PCDHGA5: variants seen among roughly 807,000 people sequenced by gnomAD.
PCDHGA5 encodes protocadherin gamma-A5.
In PCDHGA5, 36 loss-of-function variants were observed where a neutral mutation model predicts 56.7. The observed-to-expected ratio is 0.64, with a 90% CI of 0.49 to 0.84. The LOEUF is 0.84. Among genes scored for constraint, PCDHGA5 ranks in the 40% least tolerant of loss-of-function variants. PCDHGA5 has a pLI of 0.00. For missense variants in PCDHGA5, 1,305 were observed against 1,201.5 expected (o/e 1.09, Z -1.27); for synonymous variants, 563 against 520.2 (o/e 1.08, Z -1.12).
rs1404153764 is a variant in PCDHGA5, at chr5:141,364,593, G to T, written c.263G>T (p.Gly88Val). ...CGAAGCGGCAGCTTGGTCACCGCGGGCAGGATAGACCGGGAGGAGCTCTGC... is the reference window on the plus strand; with the variant it reads ...CGAAGCGGCAGCTTGGTCACCGCGGTCAGGATAGACCGGGAGGAGCTCTGC... ...NPRSGSLVTA[G>V]RIDREELCAQ... The change falls in exon 1 of 4, where the codon GGC becomes GTC. Residue 88 changes from glycine to valine, a missense_variant. Physicochemically the swap from Gly to Val is moderately radical, Grantham distance 109 (BLOSUM62 -3). Coordinates refer to ENST00000518069, the MANE Select transcript of PCDHGA5 (RefSeq NM_018918.3). 6.2e-7 allele frequency: 1 copy of T among 1,614,096 alleles called. No individual in the cohort carries two copies. Among genetic ancestry groups the T allele is most frequent in the Non-Finnish European group, 8.5e-7 (1 of 1,180,020 alleles).
intron 1 of PCDHGA5, among the ~76,000 whole-genome samples, chr5:141,451,108 G>A (rs1484218835): frequency 3.3e-5 from 5 of 151,860 alleles, no homozygotes; most frequent in South Asian, 2.1e-4. Flanking sequence ...GATTACAGGC[G>A]TGAGCCACCA....
chr5:141,410,598 C>T, intron 1 of PCDHGA5: 2 of 1,608,528 alleles, frequency 1.2e-6, no homozygotes, highest in Non-Finnish European at 1.7e-6. Context: ...GATTTGACTT[C>T]ACATCCTGAG....
At chr5:141,461,278 C>T (rs2099012353) in intron 1 of PCDHGA5, among the ~76,000 whole-genome samples, 1 of 152,086 alleles carries the variant, frequency 6.6e-6, no homozygotes, top group South Asian at 2.1e-4. Context: ...GTTCTCTTTT[C>T]CCCACATCCA....
intron 1 of PCDHGA5, chr5:141,371,896 T>C (rs760450150): frequency 1.2e-6 from 2 of 1,613,426 alleles, no homozygotes; most frequent in Admixed American, 1.7e-5. Flanking sequence ...CCGCGGGAGC[T>C]GTCGTCCTAC....
At chr5:141,466,684 G>A (rs1337230884) in intron 1 of PCDHGA5, among the ~76,000 whole-genome samples, 1 of 152,034 alleles carries the variant, frequency 6.6e-6, no homozygotes, top group Non-Finnish European at 1.5e-5. Flanking sequence ...TTCCACTCAA[G>A]CTTCATCATA....
intron 1 of PCDHGA5, chr5:141,408,915 A>T (rs2095192273): frequency 1.2e-6 from 2 of 1,613,004 alleles, no homozygotes; most frequent in South Asian, 2.2e-5. Context: ...ACCAATGATA[A>T]CCCCCCGGTT....
In PCDHGA5 at chr5:141,418,134, G is replaced by A. The variant is rs367774534; in HGVS notation, c.2421+51383G>A. ...TTACTTGTGAAGGACCGAATAGACC[G>A]TGAGCAAATATGCAAAGAGAGAAGA... On this transcript the variant is annotated intron_variant, in intron 1 of 3. Transcript: ENST00000518069. The A allele has an allele frequency of 3.1e-6, 5 of 1,613,970 alleles. No individual in the cohort carries two copies. In the African/African-American group the frequency reaches 4.0e-5, roughly 13 times the overall value.
rs901230493 is a variant in PCDHGA5, at chr5:141,487,514, C to T, written c.2422-7293C>T. 7 of 1,614,150 alleles carry T rather than the reference C, an allele frequency of 4.3e-6. No homozygotes were observed. The highest frequency in any genetic ancestry group is 1.1e-5 in the South Asian group (1 of 91,070). On this transcript the variant is annotated intron_variant, in intron 1 of 3. Transcript: ENST00000518069. The surrounding 1 kb of genome is among the most constrained non-coding windows in gnomAD (Gnocchi z 5.0). Reference sequence around the variant, plus strand: ...TACACCCTTGGCTTCTGCACCCACTCGGAGTGATAGCTTCATGATGGTGAA... The same window carrying T: ...TACACCCTTGGCTTCTGCACCCACTTGGAGTGATAGCTTCATGATGGTGAA...
chr5:141,427,151 G>A (rs1481629222), intron 1 of PCDHGA5: 1 of 456,934 alleles, frequency 2.2e-6, no homozygotes, highest in Admixed American at 2.3e-5. Flanking sequence ...TTGGAAATAT[G>A]TTTGTGCTAG....
chr5:141,411,174 A>T (rs574627520), intron 1 of PCDHGA5: 4 of 152,400 alleles, frequency 2.6e-5, no homozygotes, highest in African/African-American at 7.2e-5. Flanking sequence ...GAACAGAAGC[A>T]GTGGTCTTGG....
intron 1 of PCDHGA5, chr5:141,421,255 C>A (rs759899934): frequency 1.9e-6 from 3 of 1,607,644 alleles, no homozygotes; most frequent in Non-Finnish European, 2.5e-6. Context: ...GCGCGGGGAC[C>A]GCAGTCGGCT....
intron 1 of PCDHGA5, chr5:141,415,641 TAAA>T: frequency 7.8e-7 from 1 of 1,280,840 alleles, no homozygotes; most frequent in African/African-American, 1.5e-5. Context: ...TTACTTTTGT[TAAA>T]AAAAAAAAGA....
At chr5:141,466,763 C>T (rs960940073) in intron 1 of PCDHGA5, among the ~76,000 whole-genome samples, 31 of 152,272 alleles carry the variant, frequency 2.0e-4, no homozygotes, top group Middle Eastern at 6.8e-3. Context: ...TCTTTTCAAA[C>T]TGTTATCTTA....
chr5:141,492,691 C>G (rs2099743102), intron 1 of PCDHGA5, among the ~76,000 whole-genome samples: 1 of 152,274 alleles, frequency 6.6e-6, no homozygotes, highest in South Asian at 2.1e-4. Flanking sequence ...TCGGCGACCC[C>G]TCAACCCAGA....
chr5:141,388,913 A>C, intron 1 of PCDHGA5: 1 of 1,614,040 alleles, frequency 6.2e-7, no homozygotes, highest in Non-Finnish European at 8.5e-7. Flanking sequence ...ACAACGCCCC[A>C]GAAGTGATAT....
rs987773604 is a variant in PCDHGA5 at position 141,409,588 on chromosome 5, C to G, written c.2421+42837C>G. 5.6e-6 allele frequency: 9 copies of G among 1,613,760 alleles called. 1 individual carries two copies. The highest frequency in any genetic ancestry group is 7.6e-6 in the Non-Finnish European group (9 of 1,179,892). On this transcript the variant is annotated intron_variant, in intron 1 of 3. Transcript: ENST00000518069. ...AGACGTCCTACGTGGTCCACGTGGC[C>G]GAGAACAACCCGCCAGGAGCCTCCA...
intron 1 of PCDHGA5, chr5:141,377,857 T>C (rs1234593870): frequency 6.6e-6 from 1 of 152,172 alleles, no homozygotes. Context: ...AAAATTAAGA[T>C]TTAAAAGACT....
At chr5:141,375,208 C>G in intron 1 of PCDHGA5, 2 of 1,613,958 alleles carry the variant, frequency 1.2e-6, no homozygotes, top group Non-Finnish European at 8.5e-7. Flanking sequence ...TCGATCGAGA[C>G]TCTGGCCTGA....
chr5:141,376,476 T>C (rs1772728633), intron 1 of PCDHGA5: 19 of 1,614,192 alleles, frequency 1.2e-5, no homozygotes, highest in Middle Eastern at 1.6e-4. Context: ...CAGGATTTAC[T>C]TGAAACGAAA....
Sources: gnomAD v4.1 joint callset for allele counts (sites outside exome capture counted in the v4.1 genomes callset) on GRCh38, gnomAD v4.1.1 for gene constraint, Gnocchi (gnomAD v3.1) non-coding constraint, MANE v1.5 for transcripts, NCBI Gene and HGNC (gene_info 2026-07-23, HGNC 2026-07-21) for gene names.